TENM4: variants seen among roughly 807,000 people sequenced by gnomAD.
TENM4 encodes the protein teneurin transmembrane protein 4.
In TENM4, 82 loss-of-function variants were observed where a neutral mutation model predicts 243.3. That is an observed-to-expected ratio of 0.34 (90% CI 0.28 to 0.40). TENM4 has a LOEUF of 0.40. Ranked by LOEUF, TENM4 falls within the 10% of genes least tolerant of loss-of-function variation. TENM4 has a pLI of 1.00. For missense variants in TENM4, 3,138 were observed against 3,673.3 expected (o/e 0.85, Z 3.77); for synonymous variants, 1,412 against 1,456.3 (o/e 0.97, Z 0.69).
intron 15 of TENM4, among the ~76,000 whole-genome samples, chr11:78,802,261 G>A (rs552831): frequency 0.71 from 108,359 of 152,154 alleles, 39,623 homozygotes; most frequent in Non-Finnish European, 0.8. Context: ...ACTGTATGAC[G>A]GACACTGTTC....
chr11:79,241,424 T>C (rs921355399), intron 2 of TENM4, among the ~76,000 whole-genome samples: 4 of 151,960 alleles, frequency 2.6e-5, no homozygotes, highest in Non-Finnish European at 5.9e-5. Context: ...ATGGCTGGCT[T>C]TTAACATTAA....
chr11:78,736,922 G>C (rs1172902357), intron 20 of TENM4, among the ~76,000 whole-genome samples: 4 of 152,220 alleles, frequency 2.6e-5, no homozygotes, highest in Non-Finnish European at 5.9e-5. Context: ...TCAGTGGGCA[G>C]TAGAAATTGT....
At chr11:79,188,049 C>G (rs1329019082) in intron 3 of TENM4, among the ~76,000 whole-genome samples, 2 of 152,192 alleles carry the variant, frequency 1.3e-5, no homozygotes, top group Non-Finnish European at 2.9e-5. Context: ...TTTAGCTTTG[C>G]CTGCATGCCA....
rs563078902 is a variant in TENM4, at chr11:79,222,217, A to C, written c.-264-6308T>G. Among the ~76,000 whole-genome samples the C allele has an allele frequency of 3.3e-5, 5 of 152,340 alleles. No individual in the cohort carries two copies. In the East Asian group the frequency reaches 9.6e-4, roughly 29 times the overall value. On this transcript the variant is annotated intron_variant, in intron 2 of 33. Transcript: ENST00000278550. ...GGCAGATGCACCAGTGTAAGAGAAA[A>C]GATAACAGTTCCCACTTTTAAGTGA... is the stretch of plus-strand genomic sequence containing the variant.
intron 2 of TENM4, among the ~76,000 whole-genome samples, chr11:79,253,564 G>A (rs1320199755): frequency 3.3e-5 from 5 of 152,170 alleles, no homozygotes; most frequent in Non-Finnish European, 7.3e-5. Context: ...GCTGATCCGC[G>A]TCTTAGTGCC....
chr11:79,388,450 A>C (rs1026132584), intron 1 of TENM4, among the ~76,000 whole-genome samples: 5 of 152,232 alleles, frequency 3.3e-5, no homozygotes, highest in Non-Finnish European at 5.9e-5. Flanking sequence ...TGCAAGTTAC[A>C]GAAAACATGA....
chr11:78,877,325 C>A lies in TENM4; in HGVS notation c.1084+12460G>T, dbSNP rs760932659. Among the ~76,000 whole-genome samples, 220 of 152,208 alleles carry A rather than the reference C, an allele frequency of 1.4e-3. 1 individual carries two copies. Among genetic ancestry groups the A allele is most frequent in the Non-Finnish European group, 1.8e-3 (120 of 68,034 alleles). On this transcript the variant is annotated intron_variant, in intron 9 of 33. Transcript: ENST00000278550. ...AGGCTGAGCTCTGCTCCCGCCTTGT[C>A]CCCTAAGCCTAGCAGACTTAAGTTT...
At chr11:79,342,764 G>A (rs1857262093) in intron 1 of TENM4, among the ~76,000 whole-genome samples, 1 of 152,104 alleles carries the variant, frequency 6.6e-6, no homozygotes, top group Non-Finnish European at 1.5e-5. Flanking sequence ...TCTGCTCTAA[G>A]CCTCAGCTCC....
chr11:79,049,241 C>T (rs1010490160), intron 6 of TENM4, among the ~76,000 whole-genome samples: 15 of 152,184 alleles, frequency 9.9e-5, no homozygotes, highest in Non-Finnish European at 2.9e-5. Context: ...TAGCACTGGC[C>T]CACTGTGAGA....
At chr11:78,782,773 A>T (rs566199225) in intron 16 of TENM4, among the ~76,000 whole-genome samples, 2,469 of 67,110 alleles carry the variant, frequency 0.037, 26 homozygotes, top group Non-Finnish European at 0.055. Context: ...CTTTTTTTTT[A>T]AAAAAAAAAA....
intron 6 of TENM4, among the ~76,000 whole-genome samples, chr11:79,023,589 C>G (rs1858994504): frequency 6.6e-6 from 1 of 151,350 alleles, no homozygotes; most frequent in Non-Finnish European, 1.5e-5. Context: ...CATGATGACT[C>G]TTTCTACAAC....
chr11:79,102,733 T>C (rs1410100820), intron 4 of TENM4, among the ~76,000 whole-genome samples: 2 of 152,244 alleles, frequency 1.3e-5, no homozygotes, highest in Non-Finnish European at 2.9e-5. Flanking sequence ...TCTGTCACAA[T>C]ACACACATTC....
At chr11:79,125,995 T>C (rs1266070254) in intron 4 of TENM4, among the ~76,000 whole-genome samples, 3 of 152,172 alleles carry the variant, frequency 2.0e-5, no homozygotes, top group African/African-American at 4.8e-5. Flanking sequence ...TGTAGGATAA[T>C]GGTAGAAGAA....
chr11:78,862,838 G>T, intron 10 of TENM4, 124 bp downstream of exon 10: 1 of 1,043,652 alleles, frequency 9.6e-7, no homozygotes, highest in Non-Finnish European at 1.3e-6. Flanking sequence ...AGTGTGGAAG[G>T]ATGGAGGGAG....
rs1464758410 is a variant in TENM4 at position 78,669,065 on chromosome 11, C to T, written c.7280G>A (p.Arg2427His). The T allele has an allele frequency of 9.9e-6, 16 of 1,613,810 alleles. No individual in the cohort carries two copies. In the African/African-American group the frequency reaches 1.1e-4, roughly 11 times the overall value. Residue 2427 changes from arginine (R) to histidine (H), a missense_variant, in exon 32 of 34, where the codon CGC (arginine) becomes CAC (histidine). By Grantham distance (29) the Arg-to-His change is conservative. Around this residue, in one of 2 missense-constraint regions of TENM4, gnomAD observed 2,467 missense variants for 3,059.1 expected, o/e 0.81. Transcript: ENST00000278550. This position sits in a 1 kb window ranked among gnomAD's most constrained non-coding sequence, Gnocchi z 6.4. ...CAGCTCGTGGTCTGGGCTAGTCCAGCGTCCGGCCAGCACATCATAATCTCG... is the reference window on the plus strand; with the variant it reads ...CAGCTCGTGGTCTGGGCTAGTCCAGTGTCCGGCCAGCACATCATAATCTCG... ...GRRDYDVLAG[R>H]WTSPDHELWK...
chr11:79,196,810 T>G (rs1229766159), intron 3 of TENM4, among the ~76,000 whole-genome samples: 1 of 152,182 alleles, frequency 6.6e-6, no homozygotes, highest in South Asian at 2.1e-4. Context: ...TGGAGACTTG[T>G]CTCTCAGCTG....
At chr11:79,339,991 A>G (rs904688003) in intron 1 of TENM4, among the ~76,000 whole-genome samples, 1 of 152,180 alleles carries the variant, frequency 6.6e-6, no homozygotes, top group Non-Finnish European at 1.5e-5. Flanking sequence ...CAGCTGAGCT[A>G]CAAAAGCCTT....
In TENM4 at chr11:79,412,218, C is replaced by T. The variant is rs538732566; in HGVS notation, c.-321+28291G>A. 1.3e-4 allele frequency among the ~76,000 whole-genome samples: 20 copies of T among 152,294 alleles called. No individual in the cohort carries two copies. In the South Asian group the frequency reaches 2.9e-3, roughly 22 times the overall value. ...CCCAAGAGCATTCTCAAGAAGCATCCGCATCACTGAAAGCCTGCCACGTAA... is the reference window on the plus strand; with the variant it reads ...CCCAAGAGCATTCTCAAGAAGCATCTGCATCACTGAAAGCCTGCCACGTAA... On this transcript the variant is annotated intron_variant, in intron 1 of 33. Transcript: ENST00000278550.
chr11:78,864,922 G>C (rs893878672), intron 9 of TENM4, among the ~76,000 whole-genome samples: 2 of 152,192 alleles, frequency 1.3e-5, no homozygotes, highest in African/African-American at 4.8e-5. Context: ...AGAAGGCCTA[G>C]AGGAGGGGGT....
Sources: allele counts gnomAD v4.1 joint callset (sites outside exome capture counted in the v4.1 genomes callset), GRCh38; gene constraint gnomAD v4.1.1; regional missense constraint gnomAD v4.1.1; non-coding constraint Gnocchi (gnomAD v3.1); transcripts MANE v1.5; gene names NCBI Gene and HGNC (gene_info 2026-07-23, HGNC 2026-07-21).